HEATR5B: variants seen among roughly 807,000 people sequenced by gnomAD.
HEATR5B encodes HEAT repeat-containing protein 5B.
A neutral mutation model predicts 224.1 loss-of-function variants in HEATR5B; 156 were observed. The ratio of observed to expected loss-of-function variants is 0.70; its 90% CI spans 0.61 to 0.80. HEATR5B has a LOEUF of 0.80. Among genes scored for constraint, HEATR5B ranks in the 30% least tolerant of loss-of-function variants. HEATR5B has a pLI of 0.00. For synonymous variants in HEATR5B, 1,027 were observed against 893.0 expected, an observed-to-expected ratio of 1.15 and a Z score of -2.68; for missense variants, 2,323 against 2,535.5, an observed-to-expected ratio of 0.92 and a Z score of 1.80.
At chr2:37,033,379 G>C (rs539276550) in intron 21 of HEATR5B, among the ~76,000 whole-genome samples, 2 of 152,084 alleles carry the variant, frequency 1.3e-5, no homozygotes, top group Admixed American at 1.3e-4. Flanking sequence ...GAAAAATCCA[G>C]AAGGATCTTC....
At chr2:37,044,387 G>A (rs1237167818) in intron 18 of HEATR5B, among the ~76,000 whole-genome samples, 8 of 152,058 alleles carry the variant, frequency 5.3e-5, no homozygotes, top group African/African-American at 1.9e-4. Flanking sequence ...TTTGGGGTCT[G>A]GATTATTTTA....
intron 2 of HEATR5B, among the ~76,000 whole-genome samples, chr2:37,082,104 T>C (rs988247259): frequency 1.6e-5 from 2 of 128,942 alleles, no homozygotes. Context: ...AGTTTCACTC[T>C]TGTCCCCCGG....
At chr2:37,047,824 G>C (rs1477154642) in intron 18 of HEATR5B, among the ~76,000 whole-genome samples, 1 of 152,154 alleles carries the variant, frequency 6.6e-6, no homozygotes, top group Non-Finnish European at 1.5e-5. Flanking sequence ...ATATAATGAG[G>C]CTGTGAAAGA....
Position 37,049,854 on chromosome 2 carries a change from A to T in HEATR5B, c.2506-11T>A, listed in dbSNP as rs1442960920. The T allele has an allele frequency of 3.4e-6, 4 of 1,180,670 alleles. No homozygotes were observed. Among genetic ancestry groups the T allele is most frequent in the Non-Finnish European group, 4.5e-6 (4 of 880,828 alleles). The allele number at this position is 1,180,670 out of a possible 1,614,324, so 73.1% of individuals were successfully genotyped here. A position where few individuals can be genotyped will look rare whatever the true frequency, so the allele number is the denominator to read the frequency against. ...GTTTTCAGCTAAGCCCTACATTAAA[A>T]AAAAAAAAAAAAAAAAGACAGCAAT... is the stretch of plus-strand genomic sequence containing the variant. On this transcript the variant is annotated splice_polypyrimidine_tract_variant and intron_variant, in intron 17 of 35. Coordinates refer to ENST00000233099, the MANE Select transcript of HEATR5B (RefSeq NM_019024.3).
chr2:36,990,432 A>T (rs1666251691), intron 34 of HEATR5B, among the ~76,000 whole-genome samples: 1 of 152,210 alleles, frequency 6.6e-6, no homozygotes, highest in African/African-American at 2.4e-5. Context: ...GGGTTAATCA[A>T]ATATTTCAGA....
intron 35 of HEATR5B, among the ~76,000 whole-genome samples, chr2:36,984,225 T>TATATATATATATATATATA (rs1242428169): frequency 9.3e-5 from 7 of 75,308 alleles, no homozygotes; most frequent in Non-Finnish European, 1.8e-4. Context: ...AATATATATA[T>TATATATATATATATATATA]ATATATATAT....
intron 33 of HEATR5B, among the ~76,000 whole-genome samples, chr2:36,991,107 A>T (rs949846445): frequency 3.3e-5 from 5 of 152,254 alleles, no homozygotes; most frequent in African/African-American, 1.2e-4. Flanking sequence ...AGTTAAATGT[A>T]TGCAGTTATA....
At chr2:37,058,266 G>C (rs1671036957) in intron 14 of HEATR5B, among the ~76,000 whole-genome samples, 185 bp downstream of exon 14, 1 of 152,088 alleles carries the variant, frequency 6.6e-6, no homozygotes, top group Non-Finnish European at 1.5e-5. Context: ...AATACAAAAG[G>C]CTGAAAACGA....
chr2:37,070,686 T>C (rs1671852808), intron 6 of HEATR5B, among the ~76,000 whole-genome samples: 1 of 152,200 alleles, frequency 6.6e-6, no homozygotes. Context: ...CCACAGCAGA[T>C]ACTACTAACT....
chr2:37,056,765 TGTAA>T, intron 15 of HEATR5B, 150 bp from the exon 16 acceptor site: 2 of 626,236 alleles, frequency 3.2e-6, no homozygotes, highest in Non-Finnish European at 5.2e-6. Context: ...CAGACCAAAA[TGTAA>T]TTTGGTCATT....
At chr2:37,026,492 C>T (rs1024157246) in intron 24 of HEATR5B, among the ~76,000 whole-genome samples, 12 of 152,126 alleles carry the variant, frequency 7.9e-5, no homozygotes. Context: ...GACGTCTTCC[C>T]TGGCTTTATA....
chr2:36,990,734 C>G lies in HEATR5B; in HGVS notation c.5611G>C (p.Ala1871Pro). 1 of 1,611,618 alleles carries G rather than the reference C, an allele frequency of 6.2e-7. No homozygotes were observed. Among genetic ancestry groups the G allele is most frequent in the Non-Finnish European group, 8.5e-7 (1 of 1,178,228 alleles). Residue 1871 changes from alanine to proline, a missense_variant, in exon 34 of 36, where the codon GCT becomes CCT. By Grantham distance (27) the Ala-to-Pro change is conservative. Transcript: ENST00000233099. ...TGGACTCCTATTATTTCATTACTAG[C>G]AGACCACAGGAAGAGTGCAATTGCT... ...LTAIALFLWS[A>P]SNEIIGVQSL...
intron 17 of HEATR5B, 33 bp downstream of exon 17, chr2:37,053,469 T>A (rs748253286): frequency 8.1e-7 from 1 of 1,231,174 alleles, no homozygotes; most frequent in South Asian, 1.4e-5. Context: ...ATTAAAAACT[T>A]ATTTCAGAAT....
At chr2:37,006,753 T>A (rs1316337374) in intron 29 of HEATR5B, among the ~76,000 whole-genome samples, 3 of 152,206 alleles carry the variant, frequency 2.0e-5, no homozygotes, top group Non-Finnish European at 4.4e-5. Context: ...ATTGGTTAAG[T>A]GCCAAGTAAA....
intron 14 of HEATR5B, 102 bp downstream of exon 14, chr2:37,058,349 T>C: frequency 1.5e-6 from 1 of 687,408 alleles, no homozygotes; most frequent in Non-Finnish European, 2.6e-6. Context: ...GTGGCCTTCC[T>C]TTGCACAGTA....
chr2:37,078,917 A>C (rs1672387612), intron 3 of HEATR5B, among the ~76,000 whole-genome samples: 1 of 152,186 alleles, frequency 6.6e-6, no homozygotes, highest in South Asian at 2.1e-4. Context: ...TGTCATTTGG[A>C]TATTCCCATT....
chr2:36,989,413 G>C (rs991650640), intron 34 of HEATR5B, among the ~76,000 whole-genome samples: 3 of 152,130 alleles, frequency 2.0e-5, no homozygotes, highest in African/African-American at 4.8e-5. Flanking sequence ...TGTGAAATAA[G>C]TTAGAAATCA....
intron 33 of HEATR5B, among the ~76,000 whole-genome samples, chr2:36,999,777 G>T (rs1666968054): frequency 6.6e-6 from 1 of 151,792 alleles, no homozygotes; most frequent in Non-Finnish European, 1.5e-5. Context: ...ACTTTGGGAG[G>T]CCAAGGCAGG....
intron 28 of HEATR5B, 77 bp downstream of exon 28, chr2:37,008,534 C>A: frequency 7.1e-6 from 7 of 982,648 alleles, no homozygotes; most frequent in Non-Finnish European, 9.8e-6. Flanking sequence ...ACTGTTGTTG[C>A]TAGTCTATAC....
Sources: gnomAD v4.1 joint callset for allele counts (sites outside exome capture counted in the v4.1 genomes callset) on GRCh38, gnomAD v4.1.1 for gene constraint, MANE v1.5 for transcripts, NCBI Gene and HGNC (gene_info 2026-07-23, HGNC 2026-07-21) for gene names.